The following HECTD4 variants were observed in gnomAD, a reference collection of about 807,000 sequenced individuals.
The protein encoded by HECTD4 is HECT domain E3 ubiquitin protein ligase 4.
HECTD4 carries 114 observed loss-of-function variants against 471.5 expected under a neutral mutation model. That is an observed-to-expected ratio of 0.24 (90% confidence interval 0.21 to 0.28). The LOEUF (loss-of-function observed/expected upper bound fraction) is 0.28, where lower values mean the gene tolerates loss of function less well. HECTD4 is among the 10% of genes least tolerant of loss of function. The pLI is 1.00. For synonymous variants in HECTD4, 2,012 were observed against 2,256.0 expected (o/e 0.89, Z 3.07); for missense variants, 3,866 against 5,651.5 (o/e 0.68, Z 10.13).
At chr12:112,338,942 C>T (rs2135723991) in intron 1 of HECTD4, among the ~76,000 whole-genome samples, 1 of 152,274 alleles carries the variant, frequency 6.6e-6, no homozygotes, top group Admixed American at 6.5e-5. Flanking sequence ...AAACACCTCC[C>T]ATCAGGCCCA....
rs761819530 is a variant in HECTD4, at chr12:112,171,278, G to A, written c.11786-15C>T. The A allele has an allele frequency of 4.8e-5, 77 of 1,591,458 alleles. 2 individuals are homozygous for A. The South Asian group carries it at 7.2e-4, about 15-fold the overall frequency. On this transcript the variant is annotated splice_polypyrimidine_tract_variant and intron_variant, in intron 67 of 75. Coordinates refer to ENST00000682272, the MANE Select transcript of HECTD4 (RefSeq NM_001388303.1). ...GATGGGCACGTCTGAGGGCGCAGGAGCAGTCAGGCTGAGATCTCGGCCAGG... is the reference window on the plus strand; with the variant it reads ...GATGGGCACGTCTGAGGGCGCAGGAACAGTCAGGCTGAGATCTCGGCCAGG...
intron 44 of HECTD4, among the ~76,000 whole-genome samples, chr12:112,223,165 A>C (rs2033145507): frequency 6.6e-6 from 1 of 152,078 alleles, no homozygotes; most frequent in African/African-American, 2.4e-5. Flanking sequence ...TACAATTCTG[A>C]CTTTGTAATC....
intron 49 of HECTD4, among the ~76,000 whole-genome samples, chr12:112,210,828 A>G (rs2032741356): frequency 6.6e-6 from 1 of 152,260 alleles, no homozygotes; most frequent in Non-Finnish European, 1.5e-5. Flanking sequence ...ATGAAGACAG[A>G]GATCATATCT....
rs1193174494 is a variant in HECTD4, at chr12:112,165,222, C to CTT, written c.12535-949_12535-948dup. On this transcript the variant is annotated intron_variant, in intron 72 of 75. Coordinates refer to ENST00000682272, the MANE Select transcript of HECTD4 (RefSeq NM_001388303.1). Reference sequence around the variant, plus strand: ...CTGAGCCACCGCGCCTGTCCTCTTTCTTTTTTTTTTTTTAAAGCAATCTGG... The same window carrying CTT: ...CTGAGCCACCGCGCCTGTCCTCTTTCTTTTTTTTTTTTTTTAAAGCAATCTGG... Among the ~76,000 whole-genome samples, 6 of 138,456 alleles carry CTT rather than the reference C, an allele frequency of 4.3e-5. No homozygotes were observed. In the South Asian group the frequency reaches 1.2e-3, roughly 27 times the overall value. The allele number at this position is 138,456 out of a possible 152,430, so 90.8% of individuals were successfully genotyped here. A position where few individuals can be genotyped will look rare whatever the true frequency, so the allele number is the denominator to read the frequency against.
intron 70 of HECTD4, among the ~76,000 whole-genome samples, chr12:112,168,150 CA>C (rs1455784617): frequency 7.9e-5 from 12 of 152,322 alleles, no homozygotes; most frequent in Admixed American, 6.5e-4. Flanking sequence ...CCCTGAGGCT[CA>C]GTCACCTGTC....
intron 44 of HECTD4, among the ~76,000 whole-genome samples, chr12:112,220,614 C>T (rs2033060571): frequency 6.6e-6 from 1 of 151,648 alleles, no homozygotes; most frequent in Non-Finnish European, 1.5e-5. Flanking sequence ...CTGGCCAACA[C>T]AGCAAACCAC....
Position 112,170,315 on chromosome 12 carries a change from C to T in HECTD4, c.12052+18G>A. ...GCACTGCCATTTTGCATTTTTTGCT[C>T]TCCGCAGCCAACCCCACCTCCCACA... On this transcript the variant is annotated intron_variant, in intron 69 of 75. Coordinates refer to ENST00000682272, the MANE Select transcript of HECTD4 (RefSeq NM_001388303.1). The T allele has an allele frequency of 1.2e-6, 2 of 1,613,156 alleles. No individual in the cohort carries two copies. The highest frequency in any genetic ancestry group is 1.7e-6 in the Non-Finnish European group (2 of 1,179,630).
intron 16 of HECTD4, among the ~76,000 whole-genome samples, chr12:112,264,532 ATCT>A (rs1466767724): frequency 2.0e-5 from 3 of 152,168 alleles, no homozygotes; most frequent in Admixed American, 2.0e-4. Flanking sequence ...CCTTAAAAGA[ATCT>A]TTTGATTCCT....
Position 112,276,990 on chromosome 12 carries a change from C to T in HECTD4, c.1688-2030G>A, listed in dbSNP as rs147805409. 1.4e-3 allele frequency among the ~76,000 whole-genome samples: 211 copies of T among 152,208 alleles called. 1 individual carries two copies. Among genetic ancestry groups the T allele is most frequent in the African/African-American group, 4.8e-3 (201 of 41,518 alleles). ...AACCATTATACTTTGGAGATGAGAA[C>T]GTAAAATGGTATGGCCACTTTGGGA... On this transcript the variant is annotated intron_variant, in intron 9 of 75. Transcript: ENST00000682272.
intron 43 of HECTD4, among the ~76,000 whole-genome samples, chr12:112,227,335 C>T (rs1362903654): frequency 1.3e-5 from 2 of 151,996 alleles, no homozygotes; most frequent in African/African-American, 4.8e-5. Flanking sequence ...TGGTATGCGC[C>T]TGTAATCCCA....
Position 112,265,911 on chromosome 12 carries a change from T to C in HECTD4, c.2465A>G (p.Asn822Ser). The C allele has an allele frequency of 6.2e-7, 1 of 1,613,890 alleles. No homozygotes were observed. Residue 822 changes from asparagine (N) to serine (S), a missense_variant, in exon 15 of 76, where the codon AAC becomes AGC. Around this residue, in one of 16 missense-constraint regions of HECTD4, gnomAD observed 525 missense variants for 672.6 expected, o/e 0.78. Transcript: ENST00000682272. ...LTNLAEQLQNNRFGSDEDDHY... is the reference protein window; with the variant it reads ...LTNLAEQLQNSRFGSDEDDHY... ...ATCATCCTCATCACTGCCAAATCGG[T>C]TGTTTTGGAGCTGTTCAGCCAGGTT...
chr12:112,369,285 T>C (rs193173155), intron 1 of HECTD4, among the ~76,000 whole-genome samples: 98 of 152,142 alleles, frequency 6.4e-4, no homozygotes, highest in African/African-American at 2.1e-3. Flanking sequence ...ATTACATCCA[T>C]TGGATGCATC....
Position 112,188,789 on chromosome 12 carries a change from A to G in HECTD4, c.9472+1997T>C, listed in dbSNP as rs1395656288. Among the ~76,000 whole-genome samples the G allele has an allele frequency of 6.6e-6, 1 of 152,244 alleles. No homozygotes were observed. Among genetic ancestry groups the G allele is most frequent in the Admixed American group, 6.5e-5 (1 of 15,284 alleles). On this transcript the variant is annotated intron_variant, in intron 60 of 75. Coordinates refer to ENST00000682272, the MANE Select transcript of HECTD4 (RefSeq NM_001388303.1). This position sits in a 1 kb window ranked among gnomAD's most constrained non-coding sequence, Gnocchi z 4.2. ...AACAAGTTTGTGACTGTCCTGGAAC[A>G]TGGGCTCTCATAGAACCTCCACAGA...
Position 112,243,256 on chromosome 12 carries a change from G to T in HECTD4, c.4958+97C>A. ...ATAAATATTTTAGAGGAAAACATTA[G>T]CAAATACTACCGCCTATGTTTGGGT... On this transcript the variant is annotated intron_variant, in intron 32 of 75. Coordinates refer to ENST00000682272, the MANE Select transcript of HECTD4 (RefSeq NM_001388303.1). This position sits in a 1 kb window ranked among gnomAD's most constrained non-coding sequence, Gnocchi z 6.6. 1 of 1,086,320 alleles carries T rather than the reference G, an allele frequency of 9.2e-7. No individual in the cohort carries two copies. The highest frequency in any genetic ancestry group is 2.6e-5 in the East Asian group (1 of 38,314). 67.3% of individuals were successfully genotyped at this position (1,086,320 alleles called of 1,614,324 possible).
rs1210902918 is a variant in HECTD4, at chr12:112,185,338, C to T, written c.9628G>A (p.Ala3210Thr). 1 of 1,595,772 alleles carries T rather than the reference C, an allele frequency of 6.3e-7. No individual in the cohort carries two copies. The highest frequency in any genetic ancestry group is 8.5e-7 in the Non-Finnish European group (1 of 1,171,364). ...TCCGACTGCAAGGCCATCAGCATGG[C>T]CAGGCAGGGGTTCAGCTGGAGGGCG... ...SIALQLNPCL[A>T]MLMALQSELH... The change falls in exon 61 of 76, where the codon GCC (alanine) becomes ACC (threonine). Residue 3210 changes from alanine to threonine, a missense_variant. Physicochemically the swap from Ala to Thr is moderately conservative, Grantham distance 58. This residue lies in a region of HECTD4 where 364 missense variants were observed against 413.2 expected (regional missense o/e 0.88). Transcript: ENST00000682272.
At chr12:112,269,286 C>A (rs1408856314) in intron 13 of HECTD4, among the ~76,000 whole-genome samples, 1 of 152,138 alleles carries the variant, frequency 6.6e-6, no homozygotes, top group African/African-American at 2.4e-5. Flanking sequence ...TATTTTTATG[C>A]CCATCTTACA....
intron 7 of HECTD4, among the ~76,000 whole-genome samples, chr12:112,287,023 A>G (rs1261899818): frequency 6.6e-6 from 1 of 152,170 alleles, no homozygotes; most frequent in African/African-American, 2.4e-5. Flanking sequence ...ATGAGCAATC[A>G]ATCCCTCAGT....
intron 45 of HECTD4, among the ~76,000 whole-genome samples, chr12:112,217,404 A>G (rs907876529): frequency 6.6e-6 from 1 of 152,140 alleles, no homozygotes; most frequent in Non-Finnish European, 1.5e-5. Flanking sequence ...CCCAGACTGG[A>G]GTGCAGTGGT....
rs745717207 is a variant in HECTD4 at position 112,274,954 on chromosome 12, G to A, written c.1694C>T (p.Ala565Val). Residue 565 changes from alanine (A) to valine (V), a missense_variant, in exon 10 of 76, where the codon GCC becomes GTC. By Grantham distance (64) the Ala-to-Val change is moderately conservative. Around this residue, in one of 16 missense-constraint regions of HECTD4, gnomAD observed 525 missense variants for 672.6 expected, o/e 0.78. Coordinates refer to ENST00000682272, the MANE Select transcript of HECTD4 (RefSeq NM_001388303.1). ...CGAAATATTATACACCAAGCTGGAGGCTAGGACTTTGGAAACAAACATTAA... is the reference window on the plus strand; with the variant it reads ...CGAAATATTATACACCAAGCTGGAGACTAGGACTTTGGAAACAAACATTAA... ...TSGLSSLKIL[A>V]SSLVYNISDG... 6.5e-7 allele frequency: 1 copy of A among 1,540,648 alleles called. No individual in the cohort carries two copies. Among genetic ancestry groups the A allele is most frequent in the South Asian group, 1.2e-5 (1 of 83,684 alleles).
Sources: gnomAD v4.1 joint callset for allele counts (sites outside exome capture counted in the v4.1 genomes callset) on GRCh38, gnomAD v4.1.1 for gene constraint, gnomAD v4.1.1 regional missense constraint, Gnocchi (gnomAD v3.1) non-coding constraint, MANE v1.5 for transcripts, NCBI Gene and HGNC (gene_info 2026-07-23, HGNC 2026-07-21) for gene names.